Variants in TRIP12 observed in about 807,000 individuals in gnomAD.
TRIP12 encodes the protein thyroid hormone receptor interactor 12, also known as E3 ubiquitin-protein ligase TRIP12.
In TRIP12, 25 loss-of-function variants were observed where a neutral mutation model predicts 244.2. The observed-to-expected ratio is 0.10, with a 90% CI of 0.07 to 0.14. TRIP12 has a LOEUF of 0.14. Ranked by LOEUF, TRIP12 falls within the 10% of genes least tolerant of loss-of-function variation. The pLI is 1.00. For synonymous variants in TRIP12, 905 were observed against 873.1 expected (o/e 1.04, Z -0.64); for missense variants, 1,677 against 2,486.4 (o/e 0.67, Z 6.92).
chr2:229,846,919 T>C (rs2057690535), intron 4 of TRIP12, among the ~76,000 whole-genome samples: 2 of 152,180 alleles, frequency 1.3e-5, no homozygotes, highest in Admixed American at 6.5e-5. Flanking sequence ...GAGGAGAAAC[T>C]AGAAAGGAGC....
At chr2:229,914,570 C>T (rs2154379979) in intron 1 of TRIP12, among the ~76,000 whole-genome samples, 1 of 152,304 alleles carries the variant, frequency 6.6e-6, no homozygotes, top group African/African-American at 2.4e-5. Flanking sequence ...TGAAAACTCA[C>T]TTTAGGTTTC....
At chr2:229,773,722 TAA>T (rs1177262531) in intron 38 of TRIP12, 2 of 164,368 alleles carry the variant, frequency 1.2e-5, no homozygotes, top group Non-Finnish European at 2.7e-5. Flanking sequence ...TCACCAAACA[TAA>T]AAGTGTGCAC....
chr2:229,862,984 C>G (rs1397060303), intron 2 of TRIP12, among the ~76,000 whole-genome samples: 2 of 152,134 alleles, frequency 1.3e-5, no homozygotes, highest in African/African-American at 4.8e-5. Context: ...AATCCCAGCA[C>G]TTTGGGAGAC....
chr2:229,799,301 C>T lies in TRIP12; in HGVS notation c.3289G>A (p.Asp1097Asn). Reference sequence around the variant, plus strand: ...GGGTTACCTTGATTGTCTACTTTGTCATCATCTCTTGGAGGTGAGTACTTT... The same window carrying T: ...GGGTTACCTTGATTGTCTACTTTGTTATCATCTCTTGGAGGTGAGTACTTT... The part of the protein sequence containing the change: ...RPKYSPPRDD[D>N]KVDNQAKSPT... Residue 1097 changes from aspartate to asparagine, a missense_variant, in exon 22 of 42, where the codon GAC (aspartate) becomes AAC (asparagine). Transcript: ENST00000675903. 6.2e-7 allele frequency: 1 copy of T among 1,614,164 alleles called. No individual in the cohort carries two copies. Among genetic ancestry groups the T allele is most frequent in the Non-Finnish European group, 8.5e-7 (1 of 1,180,018 alleles).
chr2:229,894,849 T>C (rs1242058826), intron 1 of TRIP12, among the ~76,000 whole-genome samples: 2 of 152,210 alleles, frequency 1.3e-5, no homozygotes, highest in Non-Finnish European at 2.9e-5. Context: ...TGAGGTGCCA[T>C]GTTTCCTAAA....
intron 4 of TRIP12, among the ~76,000 whole-genome samples, chr2:229,852,193 G>C (rs1005684811): frequency 6.6e-6 from 1 of 152,180 alleles, no homozygotes. Context: ...ACGTGCACAT[G>C]ATGTCCACTT....
At position 229,771,642 on chromosome 2, in the gene TRIP12, G is replaced by C; in HGVS notation, c.5695-10C>G. 3.1e-6 allele frequency: 5 copies of C among 1,607,072 alleles called. No homozygotes were observed. The highest frequency in any genetic ancestry group is 1.1e-5 in the South Asian group (1 of 90,814). ...CCCAGAATATAACCAGCTGCAAAAA[G>C]AAAGTTTTCAAAAAACTGTGACAAG... On this transcript the variant is annotated splice_polypyrimidine_tract_variant and intron_variant, in intron 38 of 41. Transcript: ENST00000675903.
chr2:229,871,723 A>G (rs1006569995), intron 2 of TRIP12, among the ~76,000 whole-genome samples: 4 of 152,236 alleles, frequency 2.6e-5, no homozygotes, highest in African/African-American at 4.8e-5. Context: ...CTGAAGCCTA[A>G]TATAATTTGA....
At chr2:229,864,045 A>AGT (rs1238759495) in intron 2 of TRIP12, among the ~76,000 whole-genome samples, 61 of 67,268 alleles carry the variant, frequency 9.1e-4, no homozygotes, top group South Asian at 3.0e-3. Flanking sequence ...AGAGAGAGAG[A>AGT]GAGTGTGTGT....
chr2:229,827,540 G>A (rs918962488), intron 8 of TRIP12, among the ~76,000 whole-genome samples: 7 of 151,874 alleles, frequency 4.6e-5, no homozygotes, highest in African/African-American at 1.7e-4. Flanking sequence ...ATTAACCTAG[G>A]CCTGCACGGG....
At chr2:229,839,721 C>T (rs531311922) in intron 5 of TRIP12, among the ~76,000 whole-genome samples, 6 of 151,372 alleles carry the variant, frequency 4.0e-5, no homozygotes, top group Admixed American at 1.3e-4. Context: ...TACACAAAGA[C>T]GGAGAACTCA....
At chr2:229,799,789 C>A (rs2043805296) in intron 21 of TRIP12, among the ~76,000 whole-genome samples, 1 of 151,678 alleles carries the variant, frequency 6.6e-6, no homozygotes, top group South Asian at 2.1e-4. Context: ...AAAAAAAATA[C>A]TGTCATAACA....
At chr2:229,794,510 G>A (rs1255570080) in intron 26 of TRIP12, among the ~76,000 whole-genome samples, 3 of 152,194 alleles carry the variant, frequency 2.0e-5, no homozygotes, top group African/African-American at 2.4e-5. Flanking sequence ...AGGCTGCAGT[G>A]AGCCATGTTC....
intron 4 of TRIP12, among the ~76,000 whole-genome samples, chr2:229,851,705 G>A (rs770391319): frequency 3.3e-5 from 5 of 152,158 alleles, no homozygotes; most frequent in African/African-American, 4.8e-5. Context: ...TGAGCCCACC[G>A]GGAGGAAGGA....
chr2:229,778,936 G>A lies in TRIP12; in HGVS notation c.5149C>T (p.Leu1717=). 6.2e-7 allele frequency: 1 copy of A among 1,613,918 alleles called. No individual in the cohort carries two copies. Among genetic ancestry groups the A allele is most frequent in the Non-Finnish European group, 8.5e-7 (1 of 1,179,846 alleles). Residue 1717 remains leucine (L), a synonymous_variant, in exon 35 of 42, where the codon CTA becomes TTA. Transcript: ENST00000675903. The surrounding 1 kb of genome is among the most constrained non-coding windows in gnomAD (Gnocchi z 4.1). ...CAAAGACCCAAGTCAGCTCTCTGTAGTTCCTGAGATACAAGCGCATAAAAC... is the reference window on the plus strand; with the variant it reads ...CAAAGACCCAAGTCAGCTCTCTGTAATTCCTGAGATACAAGCGCATAAAAC... ...LEFYALVSQE[L]QRADLGLWRG...
intron 13 of TRIP12, among the ~76,000 whole-genome samples, chr2:229,813,601 T>C (rs925107566): frequency 5.9e-5 from 9 of 152,022 alleles, no homozygotes; most frequent in South Asian, 2.1e-4. Flanking sequence ...CTGGCCAACA[T>C]AGCAAAACCC....
intron 1 of TRIP12, among the ~76,000 whole-genome samples, chr2:229,895,476 A>G (rs894173432): frequency 1.3e-5 from 2 of 151,040 alleles, no homozygotes; most frequent in Non-Finnish European, 3.0e-5. Flanking sequence ...CCACAGATGC[A>G]AGGGACCTAA....
At chr2:229,847,855 A>C (rs540796701) in intron 4 of TRIP12, among the ~76,000 whole-genome samples, 1 of 152,204 alleles carries the variant, frequency 6.6e-6, no homozygotes, top group Non-Finnish European at 1.5e-5. Context: ...TTCTTTAGGA[A>C]GTATAGAATA....
At chr2:229,916,439 C>G (rs1473038236) in intron 1 of TRIP12, among the ~76,000 whole-genome samples, 1 of 152,126 alleles carries the variant, frequency 6.6e-6, no homozygotes, top group Non-Finnish European at 1.5e-5. Context: ...GTCTGTGATC[C>G]CAGTATTTGG....
Sources: allele counts gnomAD v4.1 joint callset (sites outside exome capture counted in the v4.1 genomes callset), GRCh38; gene constraint gnomAD v4.1.1; non-coding constraint Gnocchi (gnomAD v3.1); transcripts MANE v1.5; gene names NCBI Gene and HGNC (gene_info 2026-07-23, HGNC 2026-07-21).